The following ALPK1 variants were observed in gnomAD, a reference collection of about 807,000 sequenced individuals.
ALPK1 encodes the protein alpha-protein kinase 1.
Under a neutral mutation model 120.6 loss-of-function variants are expected in ALPK1, and 110 were observed. That is an observed-to-expected ratio of 0.91 (90% CI 0.78 to 1.07). The LOEUF is 1.07. Ranked by LOEUF, ALPK1 falls within the 50% of genes least tolerant of loss-of-function variation. The pLI, the probability that ALPK1 is intolerant of heterozygous loss-of-function variation, is 0.00. For synonymous variants in ALPK1, 582 were observed against 560.3 expected, an observed-to-expected ratio of 1.04 and a Z score of -0.55; for missense variants, 1,498 against 1,483.9, an observed-to-expected ratio of 1.01 and a Z score of -0.16.
At chr4:112,434,120 A>G (rs112000169) in intron 11 of ALPK1, among the ~76,000 whole-genome samples, 4 of 152,248 alleles carry the variant, frequency 2.6e-5, no homozygotes, top group African/African-American at 4.8e-5. Flanking sequence ...ATTTATTACA[A>G]TGAGGTAACT....
intron 5 of ALPK1, among the ~76,000 whole-genome samples, chr4:112,420,070 A>G (rs1259431677): frequency 6.6e-6 from 1 of 152,232 alleles, no homozygotes. Flanking sequence ...GATGAATGAC[A>G]AATAGCTACT....
At chr4:112,412,201 A>G (rs1409450019) in intron 5 of ALPK1, among the ~76,000 whole-genome samples, 176 bp downstream of exon 5, 2 of 148,660 alleles carry the variant, frequency 1.3e-5, no homozygotes, top group African/African-American at 5.0e-5. Context: ...CTTTGCCAGC[A>G]CAAAGGCCCT....
intron 8 of ALPK1, among the ~76,000 whole-genome samples, chr4:112,427,012 T>C (rs983604371): frequency 1.3e-5 from 2 of 152,218 alleles, no homozygotes; most frequent in African/African-American, 2.4e-5. Context: ...TCTGTGGGAA[T>C]AGTCTCATTA....
At position 112,368,620 on chromosome 4, in the gene ALPK1, G is replaced by C. The variant is rs112832063; in HGVS notation, c.-100-9058G>C. Among the ~76,000 whole-genome samples the C allele has an allele frequency of 4.6e-3, 706 of 152,282 alleles. 6 individuals carry two copies. Among genetic ancestry groups the C allele is most frequent in the African/African-American group, 0.016 (669 of 41,552 alleles). ...ATATTTAGTCACACCAGTTGACTGG[G>C]AACACTACTAACCTAATCATTTTGA... On this transcript the variant is annotated intron_variant, in intron 2 of 15. Coordinates refer to ENST00000650871, the MANE Select transcript of ALPK1 (RefSeq NM_025144.4).
chr4:112,326,266 G>A (rs889302386), intron 2 of ALPK1, among the ~76,000 whole-genome samples: 5 of 152,146 alleles, frequency 3.3e-5, no homozygotes, highest in African/African-American at 1.2e-4. Flanking sequence ...ATGCTGGAAG[G>A]AACAAGCCAT....
Position 112,361,692 on chromosome 4 carries a change from C to T in ALPK1, c.-100-15986C>T, listed in dbSNP as rs1284160016. On this transcript the variant is annotated intron_variant, in intron 2 of 15. Coordinates refer to ENST00000650871, the MANE Select transcript of ALPK1 (RefSeq NM_025144.4). Reference sequence around the variant, plus strand: ...GAGAGCTGTATGGCTCCACCCACTGCCTGACTCTAGGGCAAGCTTGTATCC... The same window carrying T: ...GAGAGCTGTATGGCTCCACCCACTGTCTGACTCTAGGGCAAGCTTGTATCC... Among the ~76,000 whole-genome samples, 4 of 152,228 alleles carry T rather than the reference C, an allele frequency of 2.6e-5. No homozygotes were observed. The East Asian group carries it at 7.7e-4, about 29-fold the overall frequency.
intron 1 of ALPK1, among the ~76,000 whole-genome samples, chr4:112,305,844 C>T (rs1479110742): frequency 6.6e-6 from 1 of 152,064 alleles, no homozygotes; most frequent in Non-Finnish European, 1.5e-5. Flanking sequence ...AAAGGGAATG[C>T]TTCCAGTTTT....
Position 112,432,013 on chromosome 4 carries a change from C to A in ALPK1, c.2466C>A (p.Thr822=), listed in dbSNP as rs1232727080. 1 of 1,613,898 alleles carries A rather than the reference C, an allele frequency of 6.2e-7. No individual in the cohort carries two copies. The highest frequency in any genetic ancestry group is 1.3e-5 in the African/African-American group (1 of 74,916). Reference sequence around the variant, plus strand: ...CCATGCTGCCATGTAGCTCCTTCACCCCTAATTGGCCTGTTCAAAATCCTG... The same window carrying A: ...CCATGCTGCCATGTAGCTCCTTCACACCTAATTGGCCTGTTCAAAATCCTG... The part of the protein sequence containing the change: ...NISMLPCSSF[T]PNWPVQNPDS... Residue 822 remains threonine (T), a synonymous_variant, in exon 11 of 16, where the codon ACC becomes ACA. Transcript: ENST00000650871.
intron 2 of ALPK1, among the ~76,000 whole-genome samples, chr4:112,338,919 T>C (rs968804411): frequency 6.6e-6 from 1 of 152,214 alleles, no homozygotes; most frequent in Non-Finnish European, 1.5e-5. Flanking sequence ...ACCTGCTACG[T>C]AGTGGGCAAA....
intron 13 of ALPK1, among the ~76,000 whole-genome samples, chr4:112,439,028 C>T (rs1409319151): frequency 2.0e-5 from 3 of 152,162 alleles, no homozygotes; most frequent in African/African-American, 7.2e-5. Context: ...TTACAGCTCT[C>T]CCTCCTGGGA....
At chr4:112,379,499 C>T (rs867698242) in intron 3 of ALPK1, among the ~76,000 whole-genome samples, 16 of 152,228 alleles carry the variant, frequency 1.1e-4, no homozygotes, top group Admixed American at 4.6e-4. Context: ...CGCTGCGTGT[C>T]CCACCCGAGC....
chr4:112,304,111 G>C (rs1578443810), intron 1 of ALPK1, among the ~76,000 whole-genome samples: 1 of 152,256 alleles, frequency 6.6e-6, no homozygotes, highest in Non-Finnish European at 1.5e-5. Context: ...AGTATTCCAT[G>C]GTGTATATGT....
At position 112,432,121 on chromosome 4, in the gene ALPK1, C is replaced by T. The variant is rs774042329; in HGVS notation, c.2574C>T (p.Leu858=). ...ASTVDEEGQL[L]DSMDVPCTNG... ...CAGTGGATGAGGAGGGGCAACTGCT[C>T]GACAGCATGGATGTTCCCTGCACAA... The change falls in exon 11 of 16, where the codon CTC becomes CTT. Residue 858 remains leucine, a synonymous_variant. Coordinates refer to ENST00000650871, the MANE Select transcript of ALPK1 (RefSeq NM_025144.4). The T allele has an allele frequency of 3.1e-6, 5 of 1,614,176 alleles. No homozygotes were observed. Among genetic ancestry groups the T allele is most frequent in the East Asian group, 2.2e-5 (1 of 44,882 alleles).
intron 2 of ALPK1, among the ~76,000 whole-genome samples, chr4:112,353,589 C>T (rs1381650261): frequency 2.6e-5 from 4 of 151,854 alleles, no homozygotes; most frequent in African/African-American, 7.3e-5. Flanking sequence ...GCAAAGGGGC[C>T]GGGCATGGTA....
intron 2 of ALPK1, among the ~76,000 whole-genome samples, chr4:112,334,293 TGTG>T (rs1483825129): frequency 6.6e-6 from 1 of 151,260 alleles, no homozygotes; most frequent in African/African-American, 2.4e-5. Context: ...ATTAGCCAGG[TGTG>T]GTGGCATGCG....
intron 2 of ALPK1, among the ~76,000 whole-genome samples, chr4:112,367,485 C>T (rs1202093350): frequency 1.3e-5 from 2 of 151,980 alleles, no homozygotes; most frequent in African/African-American, 2.4e-5. Context: ...ATTAAAAATA[C>T]AGCATAACAA....
chr4:112,438,562 G>T lies in ALPK1; in HGVS notation c.3267G>T (p.Gln1089His). The T allele has an allele frequency of 6.2e-7, 1 of 1,613,876 alleles. No homozygotes were observed. Among genetic ancestry groups the T allele is most frequent in the Non-Finnish European group, 8.5e-7 (1 of 1,179,822 alleles). ...ATGTGGAGCGACAGATGACCGCACA[G>T]CACTATGTGACAGAATTTAACAAGA... ...FTDVERQMTAQHYVTEFNKRL... is the reference protein window; with the variant it reads ...FTDVERQMTAHHYVTEFNKRL... Residue 1089 changes from glutamine to histidine, a missense_variant, in exon 13 of 16, where the codon CAG becomes CAT. Transcript: ENST00000650871.
intron 2 of ALPK1, among the ~76,000 whole-genome samples, chr4:112,346,525 C>G (rs939943542): frequency 6.6e-6 from 1 of 152,136 alleles, no homozygotes; most frequent in Admixed American, 6.5e-5. Context: ...AAGTGTTTTC[C>G]AAACTTATTG....
At chr4:112,383,863 C>A (rs1227680414) in intron 4 of ALPK1, 1 of 152,174 alleles carries the variant, frequency 6.6e-6, no homozygotes, top group Non-Finnish European at 1.5e-5. Context: ...CATAGCTTAG[C>A]TTAGCCTACC....
Sources: allele counts gnomAD v4.1 joint callset (sites outside exome capture counted in the v4.1 genomes callset), GRCh38; gene constraint gnomAD v4.1.1; transcripts MANE v1.5; gene names NCBI Gene and HGNC (gene_info 2026-07-23, HGNC 2026-07-21).